ZMIZ1: variants seen among roughly 807,000 people sequenced by gnomAD.
ZMIZ1 encodes the protein zinc finger MIZ domain-containing protein 1.
ZMIZ1 carries 17 observed loss-of-function variants against 113.9 expected under a neutral mutation model. That is an observed-to-expected ratio of 0.15 (90% CI 0.10 to 0.22). The LOEUF (loss-of-function observed/expected upper bound fraction) is 0.22, where lower values mean the gene tolerates loss of function less well. ZMIZ1 is among the 10% of genes least tolerant of loss of function. The pLI is 1.00. For missense variants in ZMIZ1, 1,059 were observed against 1,477.8 expected, an observed-to-expected ratio of 0.72 and a Z score of 4.65; for synonymous variants, 607 against 603.1, an observed-to-expected ratio of 1.01 and a Z score of -0.09.
chr10:79,216,242 C>T lies in ZMIZ1; in HGVS notation c.248C>T (p.Ala83Val). The stretch of plus-strand genomic sequence containing the variant: ...TACAGACTGCTGGCTGTGTGTGCTG[C>T]AAACCGAGACAAGTTCACCCCGAAG... ...LGYRLLAVCAANRDKFTPKSA... is the reference protein window; with the variant it reads ...LGYRLLAVCAVNRDKFTPKSA... The change falls in exon 7 of 25, where the codon GCA becomes GTA. Residue 83 changes from alanine to valine, a missense_variant. By Grantham distance (64) the Ala-to-Val change is moderately conservative. Transcript: ENST00000334512. 6.3e-7 allele frequency: 1 copy of T among 1,589,798 alleles called. No homozygotes were observed. Among genetic ancestry groups the T allele is most frequent in the Non-Finnish European group, 8.6e-7 (1 of 1,167,988 alleles).
chr10:79,126,655 A>T (rs58567997), intron 2 of ZMIZ1, among the ~76,000 whole-genome samples: 1 of 152,124 alleles, frequency 6.6e-6, no homozygotes, highest in Non-Finnish European at 1.5e-5. Flanking sequence ...GCAGAAGGAA[A>T]GAAGGTTATA....
intron 3 of ZMIZ1, among the ~76,000 whole-genome samples, chr10:79,157,463 T>C (rs1167750871): frequency 6.6e-6 from 1 of 151,658 alleles, no homozygotes; most frequent in African/African-American, 2.4e-5. Flanking sequence ...GAGGTGGCAT[T>C]GGTGCCACAG....
At chr10:79,247,673 G>A (rs888919705) in intron 7 of ZMIZ1, among the ~76,000 whole-genome samples, 1 of 152,224 alleles carries the variant, frequency 6.6e-6, no homozygotes, top group African/African-American at 2.4e-5. Context: ...TGGGGCAGTG[G>A]TGCTGCTTTG....
intron 21 of ZMIZ1, 151 bp downstream of exon 21, chr10:79,305,752 G>A (rs1854642119): frequency 7.3e-6 from 6 of 825,934 alleles, no homozygotes; most frequent in Admixed American, 4.5e-5. Flanking sequence ...CCTTACCCTC[G>A]GGGGCCTCTG....
chr10:79,274,056 C>A (rs1375581632), intron 7 of ZMIZ1, among the ~76,000 whole-genome samples: 2 of 151,688 alleles, frequency 1.3e-5, no homozygotes, highest in Admixed American at 6.6e-5. Flanking sequence ...TAAAAAGGGG[C>A]CTTTGGGGCC....
chr10:79,210,326 G>A lies in ZMIZ1; in HGVS notation c.174+1877G>A, dbSNP rs114978911. 4.5e-3 allele frequency among the ~76,000 whole-genome samples: 684 copies of A among 152,356 alleles called. 5 individuals are homozygous for A. Among genetic ancestry groups the A allele is most frequent in the African/African-American group, 0.015 (635 of 41,576 alleles). On this transcript the variant is annotated intron_variant, in intron 6 of 24. Coordinates refer to ENST00000334512, the MANE Select transcript of ZMIZ1 (RefSeq NM_020338.4). ...ATGGACCAGGAACTGGCTCTGCCTC[G>A]GTCCTCTTGTCCATGCGTTCATTCA...
intron 2 of ZMIZ1, among the ~76,000 whole-genome samples, chr10:79,133,952 C>G (rs1483171764): frequency 6.6e-6 from 1 of 152,192 alleles, no homozygotes; most frequent in Non-Finnish European, 1.5e-5. Flanking sequence ...GAGAGAAACT[C>G]CTAACAACTT....
chr10:79,267,240 C>T (rs1022191941), intron 7 of ZMIZ1, among the ~76,000 whole-genome samples: 3 of 152,204 alleles, frequency 2.0e-5, no homozygotes, highest in African/African-American at 7.2e-5. Context: ...GAAGGGGGCA[C>T]TGTCTGCCCC....
intron 2 of ZMIZ1, among the ~76,000 whole-genome samples, chr10:79,123,045 C>G (rs538415885): frequency 2.6e-5 from 4 of 152,192 alleles, no homozygotes; most frequent in Non-Finnish European, 5.9e-5. Context: ...TCACGTGGCT[C>G]GGCGGACTAG....
At chr10:79,253,561 G>C (rs750871486) in intron 7 of ZMIZ1, among the ~76,000 whole-genome samples, 1 of 152,312 alleles carries the variant, frequency 6.6e-6, no homozygotes, top group South Asian at 2.1e-4. Flanking sequence ...ACCCAGCAAG[G>C]GGTGGGAACT....
chr10:79,218,603 G>GTGTGTGTGTGTGTGTGTGTC (rs1554818334), intron 7 of ZMIZ1, among the ~76,000 whole-genome samples: 1 of 151,730 alleles, frequency 6.6e-6, no homozygotes, highest in African/African-American at 2.4e-5. Flanking sequence ...GTGTGTGTGT[G>GTGTGTGTGTGTGTGTGTGTC]TGTCTGTCTG....
At chr10:79,229,505 C>T (rs1371574170) in intron 7 of ZMIZ1, among the ~76,000 whole-genome samples, 3 of 152,198 alleles carry the variant, frequency 2.0e-5, no homozygotes, top group African/African-American at 7.2e-5. Context: ...CCAGTCTCAC[C>T]TGTTTGGGAT....
chr10:79,138,101 G>T (rs1031897601), intron 2 of ZMIZ1, among the ~76,000 whole-genome samples: 1 of 152,168 alleles, frequency 6.6e-6, no homozygotes, highest in South Asian at 2.1e-4. Flanking sequence ...CCCAGCCAGG[G>T]TCTCCAACCT....
rs942550163 is a variant in ZMIZ1, at chr10:79,291,164, G to T, written c.746G>T (p.Gly249Val). Residue 249 changes from glycine (G) to valine (V), a missense_variant, in exon 10 of 25, where the codon GGC becomes GTC. This residue lies in a region of ZMIZ1 where 272 missense variants were observed against 350.4 expected (regional missense o/e 0.78). Transcript: ENST00000334512. ...CGGCCCAACTACCCCGGCAGCGGGG[G>T]CTTTGGGGCCAGGTGAGCAGGGCTG... ...YGRPNYPGSG[G>V]FGASYPGGPN... is the part of the protein sequence containing the mutation. The T allele has an allele frequency of 6.2e-7, 1 of 1,610,398 alleles. No homozygotes were observed. Among genetic ancestry groups the T allele is most frequent in the African/African-American group, 1.3e-5 (1 of 74,906 alleles).
At chr10:79,307,708 G>A in intron 23 of ZMIZ1, 137 bp downstream of exon 23, 1 of 1,006,900 alleles carries the variant, frequency 9.9e-7, no homozygotes, top group South Asian at 1.7e-5. Flanking sequence ...AATAGGAGGG[G>A]TCTAACTGAG....
intron 7 of ZMIZ1, among the ~76,000 whole-genome samples, chr10:79,226,243 C>T (rs1223097809): frequency 2.0e-5 from 3 of 152,126 alleles, no homozygotes; most frequent in Admixed American, 1.3e-4. Context: ...GAGGTGGTCT[C>T]GGCAAGGGCA....
chr10:79,106,369 T>C (rs1843559514), intron 1 of ZMIZ1, among the ~76,000 whole-genome samples: 1 of 152,218 alleles, frequency 6.6e-6, no homozygotes, highest in Non-Finnish European at 1.5e-5. Context: ...CTATACAGAA[T>C]AGCAATTCTG....
intron 7 of ZMIZ1, among the ~76,000 whole-genome samples, chr10:79,242,655 C>T (rs1002185883): frequency 2.0e-5 from 3 of 151,640 alleles, no homozygotes; most frequent in African/African-American, 7.3e-5. Context: ...GGAGGATTCG[C>T]TGGGGGGCGG....
At chr10:79,086,127 C>T (rs1414032936) in intron 1 of ZMIZ1, among the ~76,000 whole-genome samples, 2 of 152,190 alleles carry the variant, frequency 1.3e-5, no homozygotes, top group Non-Finnish European at 2.9e-5. Context: ...GTGGGTCTCA[C>T]CTCAACTCAC....
Sources: allele counts gnomAD v4.1 joint callset (sites outside exome capture counted in the v4.1 genomes callset), GRCh38; gene constraint gnomAD v4.1.1; regional missense constraint gnomAD v4.1.1; transcripts MANE v1.5; gene names NCBI Gene and HGNC (gene_info 2026-07-23, HGNC 2026-07-21).